The following PODXL variants were observed in gnomAD, a reference collection of about 807,000 sequenced individuals.
PODXL encodes the protein podocalyxin.
A neutral mutation model predicts 48.9 loss-of-function variants in PODXL; 20 were observed. The ratio of observed to expected loss-of-function variants is 0.41; its 90% CI spans 0.29 to 0.59. The LOEUF (loss-of-function observed/expected upper bound fraction) is 0.59, where lower values mean the gene tolerates loss of function less well. Among genes scored for constraint, PODXL ranks in the 20% least tolerant of loss-of-function variants. The pLI, the probability that PODXL is intolerant of heterozygous loss-of-function variation, is 0.31. For missense variants in PODXL, 606 were observed against 675.1 expected (o/e 0.90, Z 1.13); for synonymous variants, 295 against 287.4 (o/e 1.03, Z -0.27).
intron 1 of PODXL, among the ~76,000 whole-genome samples, chr7:131,519,595 A>T (rs1463683372): frequency 6.6e-6 from 1 of 152,156 alleles, no homozygotes; most frequent in East Asian, 1.9e-4. Flanking sequence ...GAGGTTGATC[A>T]AAAGGGGAAA....
chr7:131,524,422 A>C (rs1008195662), intron 1 of PODXL, among the ~76,000 whole-genome samples: 1 of 149,528 alleles, frequency 6.7e-6, no homozygotes, highest in African/African-American at 2.4e-5. Flanking sequence ...CAACAAGGAA[A>C]ACTCAACAAT....
intron 1 of PODXL, among the ~76,000 whole-genome samples, chr7:131,530,681 G>T (rs1798263463): frequency 6.6e-6 from 1 of 150,856 alleles, no homozygotes; most frequent in Non-Finnish European, 1.5e-5. Context: ...TGAGCTACGA[G>T]CTATCACTTG....
intron 1 of PODXL, among the ~76,000 whole-genome samples, chr7:131,540,272 C>T (rs1180531429): frequency 2.6e-5 from 4 of 152,154 alleles, no homozygotes; most frequent in East Asian, 1.9e-4. Flanking sequence ...GCCTTGAACT[C>T]CTGAGCTCAA....
At position 131,508,918 on chromosome 7, in the gene PODXL, G is replaced by A. The variant is rs368023259; in HGVS notation, c.1101+33C>T. 26 of 1,466,936 alleles carry A rather than the reference G, an allele frequency of 1.8e-5. No individual in the cohort carries two copies. In the Middle Eastern group the frequency reaches 6.9e-4, roughly 39 times the overall value. 90.9% of individuals were successfully genotyped at this position (1,466,936 alleles called of 1,614,324 possible). On this transcript the variant is annotated intron_variant, in intron 5 of 8. Coordinates refer to ENST00000378555, the MANE Select transcript of PODXL (RefSeq NM_001018111.3). Reference sequence around the variant, plus strand: ...CCTCCCTCAGCCCTGCTGTGAGCCTGCACCTGGCGGCTCAGATCAGCAAGC... The same window carrying A: ...CCTCCCTCAGCCCTGCTGTGAGCCTACACCTGGCGGCTCAGATCAGCAAGC...
chr7:131,554,133 C>T (rs1354248826), intron 1 of PODXL, among the ~76,000 whole-genome samples: 2 of 152,128 alleles, frequency 1.3e-5, no homozygotes, highest in African/African-American at 4.8e-5. Context: ...AGTGTTTATG[C>T]TATTCCCGAT....
Position 131,503,822 on chromosome 7 carries a change from C to T in PODXL, c.*489G>A, listed in dbSNP as rs760112896. On this transcript the variant is annotated 3_prime_UTR_variant, in exon 9 of 9. Transcript: ENST00000378555. ...CACCGAGCCAGGATGTAGCCCTGCC[C>T]TCCTTTCCAGCCCAGCCACCTGCTG... is the stretch of plus-strand genomic sequence containing the variant. 1.2e-5 allele frequency: 2 copies of T among 160,958 alleles called. No individual in the cohort carries two copies. The highest frequency in any genetic ancestry group is 3.6e-4 in the South Asian group (2 of 5,548). 10.0% of individuals were successfully genotyped at this position (160,958 alleles called of 1,614,324 possible).
chr7:131,540,285 G>A (rs1198795298), intron 1 of PODXL, among the ~76,000 whole-genome samples: 1 of 152,100 alleles, frequency 6.6e-6, no homozygotes, highest in Non-Finnish European at 1.5e-5. Flanking sequence ...GAGCTCAAGT[G>A]ATCCTCCTGC....
At chr7:131,520,272 C>T in intron 1 of PODXL, 2 of 498,340 alleles carry the variant, frequency 4.0e-6, no homozygotes, top group Admixed American at 2.2e-5. Context: ...CAGGCACTCA[C>T]AGAGATCCAG....
chr7:131,537,651 C>T, intron 1 of PODXL, among the ~76,000 whole-genome samples: 1 of 135,220 alleles, frequency 7.4e-6, no homozygotes, highest in Non-Finnish European at 1.5e-5. Context: ...GATGAATTGT[C>T]CTCGAGGGAA....
chr7:131,536,988 G>C (rs879501085), intron 1 of PODXL, among the ~76,000 whole-genome samples: 1 of 152,074 alleles, frequency 6.6e-6, no homozygotes, highest in Non-Finnish European at 1.5e-5. Flanking sequence ...AGCTGGGTGT[G>C]GTGGCGCACA....
intron 1 of PODXL, among the ~76,000 whole-genome samples, chr7:131,537,312 TA>T (rs35657411): frequency 1.9e-4 from 27 of 144,952 alleles, no homozygotes; most frequent in Admixed American, 8.8e-4. Context: ...CCTGTTTTTT[TA>T]AAAAAAAAAA....
chr7:131,534,156 G>A (rs1798328685), intron 1 of PODXL, among the ~76,000 whole-genome samples: 1 of 152,134 alleles, frequency 6.6e-6, no homozygotes, highest in African/African-American at 2.4e-5. Context: ...GCCAAGGTGA[G>A]AGTGGGTGCA....
intron 1 of PODXL, among the ~76,000 whole-genome samples, chr7:131,534,585 G>A (rs758819068): frequency 1.2e-4 from 19 of 152,154 alleles, no homozygotes; most frequent in Non-Finnish European, 2.2e-4. Context: ...AGACTTCACT[G>A]GCTGTGCCCT....
chr7:131,544,099 G>GT (rs1353725540), intron 1 of PODXL, among the ~76,000 whole-genome samples: 1 of 152,244 alleles, frequency 6.6e-6, no homozygotes, highest in Non-Finnish European at 1.5e-5. Flanking sequence ...ACACTGGGTT[G>GT]TGAGTGTCTG....
At chr7:131,518,149 G>C (rs538380141) in intron 1 of PODXL, among the ~76,000 whole-genome samples, 5 of 152,182 alleles carry the variant, frequency 3.3e-5, no homozygotes, top group Non-Finnish European at 5.9e-5. Context: ...TTTCTAAGTA[G>C]GGTCACCTGC....
intron 1 of PODXL, among the ~76,000 whole-genome samples, chr7:131,524,478 T>C (rs997355036): frequency 5.5e-5 from 8 of 145,640 alleles, no homozygotes; most frequent in Non-Finnish European, 1.1e-4. Context: ...CAAGGAAAAA[T>C]TACCAAAGAT....
At chr7:131,532,262 C>T (rs1259733463) in intron 1 of PODXL, among the ~76,000 whole-genome samples, 2 of 150,158 alleles carry the variant, frequency 1.3e-5, no homozygotes, top group African/African-American at 2.4e-5. Context: ...GGTGAAACCC[C>T]GTCTCTATTA....
chr7:131,551,420 G>C (rs56262918), intron 1 of PODXL, among the ~76,000 whole-genome samples: 18,060 of 152,226 alleles, frequency 0.12, 1,266 homozygotes, highest in East Asian at 0.31. Context: ...GCAGGCTCAG[G>C]CTGGTGGGTA....
chr7:131,501,408 G>T lies in PODXL; in HGVS notation c.*2903C>A, dbSNP rs1248334350. ...TTCTTCAAAGTTTCTCCAGTATATT[G>T]TCAAAAAAGATAAAGCTCAAGAAGT... On this transcript the variant is annotated 3_prime_UTR_variant, in exon 9 of 9. Coordinates refer to ENST00000378555, the MANE Select transcript of PODXL (RefSeq NM_001018111.3). 1.3e-5 allele frequency: 2 copies of T among 152,578 alleles called. No homozygotes were observed. Among genetic ancestry groups the T allele is most frequent in the Non-Finnish European group, 2.9e-5 (2 of 68,034 alleles). The allele number at this position is 152,578 out of a possible 1,614,324, so 9.5% of individuals were successfully genotyped here.
Sources: allele counts gnomAD v4.1 joint callset (sites outside exome capture counted in the v4.1 genomes callset), GRCh38; gene constraint gnomAD v4.1.1; transcripts MANE v1.5; gene names NCBI Gene and HGNC (gene_info 2026-07-23, HGNC 2026-07-21).